Variants in ALDH1L1 observed in about 807,000 individuals in gnomAD.
The protein encoded by ALDH1L1 is aldehyde dehydrogenase 1 family member L1.
Under a neutral mutation model 101.1 loss-of-function variants are expected in ALDH1L1, and 68 were observed. That is an observed-to-expected ratio of 0.67 (90% CI 0.55 to 0.82). The LOEUF (loss-of-function observed/expected upper bound fraction) is 0.82, where lower values mean the gene tolerates loss of function less well. ALDH1L1 is among the 40% of genes least tolerant of loss of function. The pLI is 0.00. For synonymous variants in ALDH1L1, 486 were observed against 470.8 expected, an observed-to-expected ratio of 1.03 and a Z score of -0.42; for missense variants, 1,087 against 1,172.7, an observed-to-expected ratio of 0.93 and a Z score of 1.07.
rs1576405304 is a variant in ALDH1L1, at chr3:126,107,245, C to A, written c.2349G>T (p.Gly783=). 2.5e-6 allele frequency: 4 copies of A among 1,613,464 alleles called. No homozygotes were observed. Among genetic ancestry groups the A allele is most frequent in the Non-Finnish European group, 3.4e-6 (4 of 1,179,620 alleles). The change falls in exon 21 of 23, where the codon GGG becomes GGT. Residue 783 remains glycine, a splice_region_variant and synonymous_variant. Transcript: ENST00000393434. ...VCGGNQVPRP[G]FFFEPTVFTD... ...TGAAAACAGTTGGCTCAAAGAAGAA[C>A]CCTGCAAGAGAGATAAAAGCCCGTT... is the stretch of plus-strand genomic sequence containing the variant.
intron 21 of ALDH1L1, 145 bp downstream of exon 21, chr3:126,106,996 C>A: frequency 2.9e-6 from 2 of 687,096 alleles, no homozygotes. Flanking sequence ...ACTCAGCAGG[C>A]GGCACAAGCG....
chr3:126,113,382 G>T, intron 18 of ALDH1L1, among the ~76,000 whole-genome samples: 1 of 152,188 alleles, frequency 6.6e-6, no homozygotes, highest in African/African-American at 2.4e-5. Context: ...GGTGAGAGGT[G>T]GGGCAGCCCT....
intron 9 of ALDH1L1, among the ~76,000 whole-genome samples, chr3:126,139,565 C>A (rs1458888140): frequency 6.6e-6 from 1 of 152,016 alleles, no homozygotes; most frequent in Non-Finnish European, 1.5e-5. Context: ...AAGAAGGTAC[C>A]CCTGAGGAAG....
chr3:126,133,132 C>G (rs569212952), intron 12 of ALDH1L1, among the ~76,000 whole-genome samples: 1 of 152,364 alleles, frequency 6.6e-6, no homozygotes, highest in Non-Finnish European at 1.5e-5. Flanking sequence ...AATTTTCCCA[C>G]TCCCAGTTAG....
chr3:126,154,783 A>G (rs1254292578), intron 5 of ALDH1L1, 140 bp from the exon 6 acceptor site: 1 of 703,528 alleles, frequency 1.4e-6, no homozygotes, highest in Non-Finnish European at 2.5e-6. Context: ...GGAGTCCCTG[A>G]GCTGGTGCCC....
chr3:126,155,956 A>G, intron 4 of ALDH1L1: 1 of 152,790 alleles, frequency 6.5e-6, no homozygotes, highest in East Asian at 1.9e-4. Context: ...TGGGAAAGGA[A>G]TCAGAGAGGG....
intron 1 of ALDH1L1, among the ~76,000 whole-genome samples, chr3:126,166,925 A>G (rs2081179702): frequency 6.6e-6 from 1 of 152,174 alleles, no homozygotes; most frequent in Non-Finnish European, 1.5e-5. Flanking sequence ...TACATCTTTC[A>G]TTCATAATTT....
chr3:126,186,844 G>C (rs191412553), intron 1 of ALDH1L1, among the ~76,000 whole-genome samples: 23 of 152,320 alleles, frequency 1.5e-4, no homozygotes, highest in Non-Finnish European at 1.2e-4. Flanking sequence ...AGTGGAGGGA[G>C]CTCCATGTGA....
At chr3:126,180,806 C>T (rs576768599), upstream of ALDH1L1, 377 of 1,524,544 alleles carry the variant, frequency 2.5e-4, no homozygotes, top group Admixed American at 7.0e-4. Flanking sequence ...TTACTGTGGA[C>T]CCTTGGAGAA....
At chr3:126,165,658 G>T (rs1352576575) in intron 1 of ALDH1L1, among the ~76,000 whole-genome samples, 1 of 152,098 alleles carries the variant, frequency 6.6e-6, no homozygotes, top group Non-Finnish European at 1.5e-5. Context: ...TTGGGAGATT[G>T]TGTGTTTCTA....
chr3:126,148,881 G>A (rs995652545), intron 8 of ALDH1L1, among the ~76,000 whole-genome samples: 6 of 152,210 alleles, frequency 3.9e-5, no homozygotes, highest in African/African-American at 1.4e-4. Flanking sequence ...TGTCTAGGGG[G>A]TCACACATGT....
At chr3:126,119,178 T>C (rs534688533) in intron 16 of ALDH1L1, among the ~76,000 whole-genome samples, 1 of 152,290 alleles carries the variant, frequency 6.6e-6, no homozygotes, top group African/African-American at 2.4e-5. Context: ...CGTGCTCAGC[T>C]GATCTCACAG....
chr3:126,144,953 C>T (rs1364003290), intron 9 of ALDH1L1, among the ~76,000 whole-genome samples: 5 of 152,140 alleles, frequency 3.3e-5, no homozygotes, highest in African/African-American at 7.2e-5. Flanking sequence ...ATTCCTAAAA[C>T]ATATAAGGAG....
intron 17 of ALDH1L1, among the ~76,000 whole-genome samples, chr3:126,116,041 T>G (rs1304484890): frequency 8.8e-6 from 1 of 113,932 alleles, no homozygotes; most frequent in East Asian, 2.0e-4. Flanking sequence ...CCTGGCTATT[T>G]TTTTTTTTTT....
At chr3:126,116,882 A>G (rs2079981287) in intron 17 of ALDH1L1, among the ~76,000 whole-genome samples, 1 of 108,642 alleles carries the variant, frequency 9.2e-6, no homozygotes, top group Admixed American at 8.4e-5. Flanking sequence ...TTAGTGACAG[A>G]GTCTGGGAGA....
intron 1 of ALDH1L1, among the ~76,000 whole-genome samples, chr3:126,178,451 G>A (rs1357909866): frequency 6.6e-6 from 1 of 150,894 alleles, no homozygotes; most frequent in African/African-American, 2.4e-5. Flanking sequence ...AAAGCGCGCA[G>A]GAAGGGACAG....
intron 19 of ALDH1L1, among the ~76,000 whole-genome samples, chr3:126,112,166 A>T (rs1361703739): frequency 6.6e-6 from 1 of 152,222 alleles, no homozygotes; most frequent in East Asian, 1.9e-4. Flanking sequence ...CTGCTCTTCC[A>T]GGTGTGGCTG....
chr3:126,122,927 T>C (rs1208593536), intron 16 of ALDH1L1, among the ~76,000 whole-genome samples: 3 of 152,176 alleles, frequency 2.0e-5, no homozygotes, highest in Non-Finnish European at 2.9e-5. Context: ...AGGAGATTCA[T>C]AGAAAATGAA....
In ALDH1L1 at chr3:126,146,856, GCCC is replaced by G; in HGVS notation, c.1052_1054del (p.Gly351del). The G allele has an allele frequency of 6.2e-7, 1 of 1,614,066 alleles. No individual in the cohort carries two copies. The highest frequency in any genetic ancestry group is 8.5e-7 in the Non-Finnish European group (1 of 1,179,940). The stretch of plus-strand genomic sequence containing the variant: ...TTACCTCACAACGTCCACAGACGCG[GCCC>G]CTGACTTGAAGAAATCAGTGGAGTC... On this transcript the variant is annotated inframe_deletion, in exon 9 of 23. Coordinates refer to ENST00000393434, the MANE Select transcript of ALDH1L1 (RefSeq NM_012190.4).
Sources: gnomAD v4.1 joint callset for allele counts (sites outside exome capture counted in the v4.1 genomes callset) on GRCh38, gnomAD v4.1.1 for gene constraint, MANE v1.5 for transcripts, NCBI Gene and HGNC (gene_info 2026-07-23, HGNC 2026-07-21) for gene names.